LRMDA: variants seen among roughly 807,000 people sequenced by gnomAD.
LRMDA encodes the protein leucine-rich melanocyte differentiation-associated protein.
LRMDA carries 18 observed loss-of-function variants against 29.8 expected under a neutral mutation model. The ratio of observed to expected loss-of-function variants is 0.60; its 90% confidence interval spans 0.42 to 0.90. The LOEUF (loss-of-function observed/expected upper bound fraction) is 0.90. LRMDA is among the 40% of genes least tolerant of loss of function. LRMDA has a pLI of 0.00. For synonymous variants in LRMDA, 125 were observed against 109.4 expected (o/e 1.14, Z -0.89); for missense variants, 273 against 273.9 (o/e 1.00, Z 0.02).
At chr10:75,805,263 G>C (rs1277098846) in intron 2 of LRMDA, among the ~76,000 whole-genome samples, 1 of 152,118 alleles carries the variant, frequency 6.6e-6, no homozygotes, top group Admixed American at 6.5e-5. Flanking sequence ...AAGGGTTGGA[G>C]AAAGTAATGG....
At chr10:76,070,562 T>C (rs1047862662) in intron 5 of LRMDA, among the ~76,000 whole-genome samples, 1 of 152,192 alleles carries the variant, frequency 6.6e-6, no homozygotes, top group Non-Finnish European at 1.5e-5. Context: ...CTCCTAAAGA[T>C]ATTGTCTCCA....
intron 2 of LRMDA, among the ~76,000 whole-genome samples, chr10:75,861,315 A>G (rs1476556057): frequency 1.3e-5 from 2 of 152,202 alleles, no homozygotes; most frequent in South Asian, 2.1e-4. Flanking sequence ...TTATCCATTT[A>G]TAGGGGTCCT....
chr10:76,325,322 A>G (rs1434052651), intron 6 of LRMDA, among the ~76,000 whole-genome samples: 1 of 152,208 alleles, frequency 6.6e-6, no homozygotes, highest in African/African-American at 2.4e-5. Flanking sequence ...GGAAACGAAG[A>G]AGAGAGTAGT....
At chr10:76,470,082 A>G (rs1471892425) in intron 6 of LRMDA, among the ~76,000 whole-genome samples, 1 of 152,188 alleles carries the variant, frequency 6.6e-6, no homozygotes, top group African/African-American at 2.4e-5. Context: ...CAACAATCTT[A>G]TATCCAGCAA....
intron 5 of LRMDA, among the ~76,000 whole-genome samples, chr10:76,276,039 ATCTATCTATCTATCTCTTTCTTTC>A (rs1840128139): frequency 2.0e-5 from 3 of 147,748 alleles, no homozygotes; most frequent in African/African-American, 7.9e-5. Context: ...CTATCTATCT[ATCTATCTATCTATCTCTTTCTTTC>A]TCTCTTTCTT....
At chr10:75,879,145 G>GT (rs1287849617) in intron 2 of LRMDA, among the ~76,000 whole-genome samples, 3 of 152,172 alleles carry the variant, frequency 2.0e-5, no homozygotes, top group Non-Finnish European at 4.4e-5. Context: ...TGCAGTAGCG[G>GT]TGTCAGTCTT....
intron 6 of LRMDA, among the ~76,000 whole-genome samples, chr10:76,376,034 C>T (rs1418454058): frequency 6.6e-6 from 1 of 151,608 alleles, no homozygotes; most frequent in Non-Finnish European, 1.5e-5. Flanking sequence ...GGTACAAGTA[C>T]ATTATTATTA....
intron 2 of LRMDA, among the ~76,000 whole-genome samples, chr10:75,983,508 A>G (rs191052075): frequency 3.0e-4 from 45 of 152,298 alleles, no homozygotes; most frequent in Non-Finnish European, 6.0e-4. Context: ...ATACACATGC[A>G]TACGTAATAT....
intron 6 of LRMDA, among the ~76,000 whole-genome samples, chr10:76,462,074 A>ACC (rs59222838): frequency 5.1e-5 from 4 of 78,270 alleles, no homozygotes; most frequent in African/African-American, 1.3e-4. Flanking sequence ...AAAAAAAAAA[A>ACC]AACCACACAC....
In LRMDA at chr10:76,436,315, A is replaced by T. The variant is rs138776139; in HGVS notation, c.601+111830A>T. Among the ~76,000 whole-genome samples, 12 of 152,112 alleles carry T rather than the reference A, an allele frequency of 7.9e-5. No homozygotes were observed. In the East Asian group the frequency reaches 2.3e-3, roughly 30 times the overall value. On this transcript the variant is annotated intron_variant, in intron 6 of 6. Coordinates refer to ENST00000611255, the MANE Select transcript of LRMDA (RefSeq NM_001305581.2). Reference sequence around the variant, plus strand: ...TGAAAAATAAGTGTGTGAAGAAAAGACTCCATTGTCATTGGACTGTAAATG... The same window carrying T: ...TGAAAAATAAGTGTGTGAAGAAAAGTCTCCATTGTCATTGGACTGTAAATG...
chr10:76,064,063 T>C (rs941149167), intron 5 of LRMDA, among the ~76,000 whole-genome samples: 2 of 152,304 alleles, frequency 1.3e-5, no homozygotes, highest in East Asian at 1.9e-4. Flanking sequence ...GGAAGATCCA[T>C]CATGAAAAGG....
At chr10:75,635,805 TA>T (rs1215826077) in intron 2 of LRMDA, among the ~76,000 whole-genome samples, 6 of 151,462 alleles carry the variant, frequency 4.0e-5, no homozygotes, top group South Asian at 2.1e-4. Flanking sequence ...TTTTTTTTTT[TA>T]AAACGATTGG....
intron 2 of LRMDA, among the ~76,000 whole-genome samples, chr10:75,571,732 C>T (rs879600980): frequency 1.3e-5 from 2 of 152,096 alleles, no homozygotes; most frequent in African/African-American, 4.8e-5. Flanking sequence ...GTCAAGTCTA[C>T]AAGAGACTTT....
chr10:76,064,152 G>A (rs1237297362), intron 5 of LRMDA, among the ~76,000 whole-genome samples: 1 of 152,178 alleles, frequency 6.6e-6, no homozygotes, highest in Admixed American at 6.5e-5. Context: ...TTTAGACTGT[G>A]TGTTAATTGC....
At chr10:75,863,718 T>C (rs1236252970) in intron 2 of LRMDA, among the ~76,000 whole-genome samples, 1 of 152,192 alleles carries the variant, frequency 6.6e-6, no homozygotes, top group Non-Finnish European at 1.5e-5. Context: ...ACAACTCCAA[T>C]GAGTAGGTGG....
At chr10:76,299,756 C>A (rs1000291247) in intron 5 of LRMDA, among the ~76,000 whole-genome samples, 1 of 152,076 alleles carries the variant, frequency 6.6e-6, no homozygotes, top group Admixed American at 6.5e-5. Context: ...TCATTTTCAA[C>A]ACCAGTAAGA....
At chr10:75,551,640 A>G (rs939186483) in intron 2 of LRMDA, among the ~76,000 whole-genome samples, 2 of 152,136 alleles carry the variant, frequency 1.3e-5, no homozygotes, top group Non-Finnish European at 1.5e-5. Flanking sequence ...AGCGTCATGC[A>G]TGTCCCTGCA....
intron 2 of LRMDA, among the ~76,000 whole-genome samples, chr10:75,673,246 G>A (rs1367508719): frequency 1.3e-5 from 2 of 152,166 alleles, no homozygotes; most frequent in Non-Finnish European, 2.9e-5. Context: ...GGCATGAACT[G>A]TCACCCAAGC....
At chr10:75,558,208 T>A (rs370304496) in intron 2 of LRMDA, among the ~76,000 whole-genome samples, 2 of 151,426 alleles carry the variant, frequency 1.3e-5, no homozygotes, top group East Asian at 3.9e-4. Context: ...TTGCCTGATC[T>A]CTGCTAAAAA....
Sources: allele counts gnomAD v4.1 joint callset (sites outside exome capture counted in the v4.1 genomes callset), GRCh38; gene constraint gnomAD v4.1.1; transcripts MANE v1.5; gene names NCBI Gene and HGNC (gene_info 2026-07-23, HGNC 2026-07-21).